RPL7A: variants seen among roughly 807,000 people sequenced by gnomAD.
RPL7A encodes the protein ribosomal protein L7a, also known as large ribosomal subunit protein eL8.
For synonymous variants in RPL7A, 158 were observed against 128.2 expected, an observed-to-expected ratio of 1.23 and a Z score of -1.57; for missense variants, 291 against 338.2, an observed-to-expected ratio of 0.86 and a Z score of 1.09.
intron 1 of RPL7A, chr9:133,348,532 C>G (rs993579672): frequency 3.3e-6 from 2 of 600,824 alleles, no homozygotes; most frequent in East Asian, 2.8e-5. Flanking sequence ...GCTCGGAGCC[C>G]TAGCGTCTCT....
chr9:133,348,898 AACTG>A lies in RPL7A; in HGVS notation c.4-21_4-18del. The A allele has an allele frequency of 6.2e-6, 10 of 1,613,402 alleles. No individual in the cohort carries two copies. The highest frequency in any genetic ancestry group is 7.6e-6 in the Non-Finnish European group (9 of 1,179,740). On this transcript the variant is annotated intron_variant, in intron 1 of 7. Coordinates refer to ENST00000323345, the MANE Select transcript of RPL7A (RefSeq NM_000972.3). ...ACGAAGCGAGTGGAGGCGGCGGTTT[AACTG>A]ACGTTTTCTTTCTGCCCAGCCGAAA...
At chr9:133,348,698 A>G (rs2129980028) in intron 1 of RPL7A, 3 of 736,244 alleles carry the variant, frequency 4.1e-6, no homozygotes, top group East Asian at 5.5e-5. Flanking sequence ...TCTCGGGCTT[A>G]GCCTTGCTCT....
intron 1 of RPL7A, 60 bp downstream of exon 1, chr9:133,348,306 C>G: frequency 3.1e-6 from 5 of 1,612,732 alleles, no homozygotes; most frequent in Non-Finnish European, 4.2e-6. Flanking sequence ...CGCTGCCATC[C>G]TCCTCCAGGC....
chr9:133,349,175 C>G, intron 2 of RPL7A, 133 bp downstream of exon 2: 1 of 1,085,068 alleles, frequency 9.2e-7, no homozygotes, highest in Non-Finnish European at 1.4e-6. Flanking sequence ...CTCTTAGAGA[C>G]GGGGGCAATG....
Position 133,351,403 on chromosome 9 carries a change from T to A in RPL7A, c.*37T>A. ...TGAGTTTTCTGTACATAAAAATAAT[T>A]GAAATAATACAAATTTTCCTTCAGC... On this transcript the variant is annotated 3_prime_UTR_variant, in exon 8 of 8. Transcript: ENST00000323345. 7.0e-7 allele frequency: 1 copy of A among 1,436,588 alleles called. No homozygotes were observed. The highest frequency in any genetic ancestry group is 9.7e-7 in the Non-Finnish European group (1 of 1,031,810). The allele number at this position is 1,436,588 out of a possible 1,614,324, so 89.0% of individuals were successfully genotyped here. A position where few individuals can be genotyped will look rare whatever the true frequency, so the allele number is the denominator to read the frequency against.
intron 5 of RPL7A, 46 bp from the exon 6 acceptor site, chr9:133,350,550 TG>T: frequency 6.2e-7 from 1 of 1,614,180 alleles, no homozygotes; most frequent in Non-Finnish European, 8.5e-7. Flanking sequence ...AACTGAAATT[TG>T]CTGCTTTTGG....
At position 133,351,387 on chromosome 9, in the gene RPL7A, T is replaced by C. The variant is rs1209482898; in HGVS notation, c.*21T>C. The C allele has an allele frequency of 6.0e-6, 9 of 1,505,866 alleles. No individual in the cohort carries two copies. The highest frequency in any genetic ancestry group is 8.3e-6 in the Non-Finnish European group (9 of 1,088,746). 93.3% of individuals were successfully genotyped at this position (1,505,866 alleles called of 1,614,324 possible). ...GTTAAATGTACACTGTTGAGTTTTC[T>C]GTACATAAAAATAATTGAAATAATA... On this transcript the variant is annotated 3_prime_UTR_variant, in exon 8 of 8. Coordinates refer to ENST00000323345, the MANE Select transcript of RPL7A (RefSeq NM_000972.3).
rs2129996591 is a variant in RPL7A, at chr9:133,350,856, T to C, written c.626+129T>C. The C allele has an allele frequency of 3.3e-6, 5 of 1,528,278 alleles. No homozygotes were observed. In the African/African-American group the frequency reaches 5.5e-5, roughly 17 times the overall value. 94.7% of individuals were successfully genotyped at this position (1,528,278 alleles called of 1,614,324 possible). A position where few individuals can be genotyped will look rare whatever the true frequency, so the allele number is the denominator to read the frequency against. On this transcript the variant is annotated intron_variant, in intron 6 of 7. Transcript: ENST00000323345. ...TATTTATCTGAACTTTTGCCAATGA[T>C]GGTTAAGAATTTCTTCACCTGAATA...
At position 133,348,657 on chromosome 9, in the gene RPL7A, C is replaced by CT. The variant is rs1836285757; in HGVS notation, c.4-264dup. On this transcript the variant is annotated intron_variant, in intron 1 of 7. Transcript: ENST00000323345. ...CAGAGGAGTCATGAGTCCGGGGTGT[C>CT]TCCTGGGTGGGCGACGCGAAGAGAG... 28 of 683,848 alleles carry CT rather than the reference C, an allele frequency of 4.1e-5. No individual in the cohort carries two copies. The South Asian group carries it at 4.3e-4, about 10-fold the overall frequency. The allele number at this position is 683,848 out of a possible 1,614,324, so 42.4% of individuals were successfully genotyped here. A position where few individuals can be genotyped will look rare whatever the true frequency, so the allele number is the denominator to read the frequency against.
chr9:133,350,802 T>G, intron 6 of RPL7A, 75 bp downstream of exon 6: 1 of 1,594,822 alleles, frequency 6.3e-7, no homozygotes, highest in Non-Finnish European at 8.6e-7. Flanking sequence ...CCTTTTGCCT[T>G]AAAGGCCAAT....
Position 133,351,372 on chromosome 9 carries a change from C to T in RPL7A, c.*6C>T, listed in dbSNP as rs2129999802. The T allele has an allele frequency of 1.6e-5, 25 of 1,569,448 alleles. No individual in the cohort carries two copies. The highest frequency in any genetic ancestry group is 2.2e-5 in the East Asian group (1 of 44,604). On this transcript the variant is annotated 3_prime_UTR_variant, in exon 8 of 8. Coordinates refer to ENST00000323345, the MANE Select transcript of RPL7A (RefSeq NM_000972.3). Reference sequence around the variant, plus strand: ...TTGCCACTAAACTGGGTTAAATGTACACTGTTGAGTTTTCTGTACATAAAA... The same window carrying T: ...TTGCCACTAAACTGGGTTAAATGTATACTGTTGAGTTTTCTGTACATAAAA...
At chr9:133,350,446 T>C (rs2129993677) in intron 5 of RPL7A, 127 bp downstream of exon 5, 9 of 1,494,766 alleles carry the variant, frequency 6.0e-6, no homozygotes, top group South Asian at 2.3e-5. Context: ...ATCCAACACA[T>C]GCGTGGCTCT....
Sources: gnomAD v4.1 joint callset for allele counts on GRCh38, gnomAD v4.1.1 for gene constraint, MANE v1.5 for transcripts, NCBI Gene and HGNC (gene_info 2026-07-23, HGNC 2026-07-21) for gene names.